Variants in CDCA7 observed in about 807,000 individuals in gnomAD.
The protein encoded by CDCA7 is cell division cycle-associated protein 7.
In CDCA7, 28 loss-of-function variants were observed where a neutral mutation model predicts 54.0. The observed-to-expected ratio is 0.52, with a 90% CI of 0.38 to 0.71. CDCA7 has a LOEUF of 0.71. CDCA7 is among the 30% of genes least tolerant of loss of function. The probability of loss-of-function intolerance (pLI) is 0.00; values close to 1 mark genes in which losing one functional copy is unlikely to be tolerated. For synonymous variants in CDCA7, 180 were observed against 208.2 expected, an observed-to-expected ratio of 0.86 and a Z score of 1.16; for missense variants, 484 against 586.0, an observed-to-expected ratio of 0.83 and a Z score of 1.80.
At chr2:173,360,658 A>C (rs560057737) in intron 3 of CDCA7, among the ~76,000 whole-genome samples, 1 of 152,042 alleles carries the variant, frequency 6.6e-6, no homozygotes, top group Non-Finnish European at 1.5e-5. Flanking sequence ...AAAATTTTTT[A>C]TAGAGATGTG....
In CDCA7 at chr2:173,366,305, G is replaced by A. The variant is rs370384522; in HGVS notation, c.1058G>A (p.Arg353His). The A allele has an allele frequency of 3.1e-6, 5 of 1,612,828 alleles. No homozygotes were observed. Among genetic ancestry groups the A allele is most frequent in the South Asian group, 1.1e-5 (1 of 91,002 alleles). The change falls in exon 8 of 10, where the codon CGT becomes CAT. Residue 353 changes from arginine to histidine, a missense_variant. By Grantham distance (29) the Arg-to-His change is conservative. This residue lies in a region of CDCA7 where 3 missense variants were observed against 16.4 expected (regional missense o/e 0.18). Coordinates refer to ENST00000306721, the MANE Select transcript of CDCA7 (RefSeq NM_031942.5). This position sits in a 1 kb window ranked among gnomAD's most constrained non-coding sequence, Gnocchi z 4.5. ...RSLGSTCHQC[R>H]QKTIDTKTNC... ...TAGGGCTCTACTTGTCATCAATGCC[G>A]TCAGAAGACTATTGATACCAAAACA...
chr2:173,364,745 C>T, intron 5 of CDCA7, 50 bp from the exon 6 acceptor site: 3 of 1,545,578 alleles, frequency 1.9e-6, no homozygotes, highest in Non-Finnish European at 2.6e-6. Context: ...CAAAGTACTA[C>T]TTCTCTTTAT....
At position 173,367,163 on chromosome 2, in the gene CDCA7, C is replaced by T; in HGVS notation, c.1199C>T (p.Pro400Leu). 3.1e-6 allele frequency: 5 copies of T among 1,593,566 alleles called. No individual in the cohort carries two copies. Among genetic ancestry groups the T allele is most frequent in the South Asian group, 2.3e-5 (2 of 86,686 alleles). ...DALLDPNWHC[P>L]PCRGICNCSF... ...ATCCTCCTTCAGAACTGGCATTGCC[C>T]GCCTTGTCGAGGAATCTGCAACTGC... Residue 400 changes from proline (P) to leucine (L), a missense_variant, in exon 9 of 10, where the codon CCG (proline) becomes CTG (leucine). Pro to Leu is a moderately conservative substitution (Grantham distance 98). Coordinates refer to ENST00000306721, the MANE Select transcript of CDCA7 (RefSeq NM_031942.5).
In CDCA7 at chr2:173,364,975, G is replaced by T. The variant is rs774465144; in HGVS notation, c.880G>T (p.Asp294Tyr). 1.3e-6 allele frequency: 2 copies of T among 1,579,218 alleles called. No homozygotes were observed. Among genetic ancestry groups the T allele is most frequent in the Admixed American group, 4.0e-5 (2 of 50,562 alleles). ...YMLVRKRKTV[D>Y]GYMNEDDLPR... The stretch of plus-strand genomic sequence containing the variant: ...GTTGGTGAGAAAGAGGAAGACCGTG[G>T]ATGGCTACATGAATGTGAGTTCTCC... Residue 294 changes from aspartate (D) to tyrosine (Y), a missense_variant, in exon 6 of 10, where the codon GAT becomes TAT. By Grantham distance (160) the Asp-to-Tyr change is radical. This residue lies in a region of CDCA7 where 398 missense variants were observed against 447.4 expected (regional missense o/e 0.89). Coordinates refer to ENST00000306721, the MANE Select transcript of CDCA7 (RefSeq NM_031942.5).
Position 173,367,657 on chromosome 2 carries a change from A to G in CDCA7, c.1346A>G (p.Gln449Arg). The G allele has an allele frequency of 6.2e-7, 1 of 1,614,194 alleles. No homozygotes were observed. The highest frequency in any genetic ancestry group is 2.2e-5 in the East Asian group (1 of 44,876). The part of the protein sequence containing the change: ...LKSLKQEFEM[Q>R]A ...AGCCTGAAACAGGAATTTGAAATGC[A>G]AGCATAATATCTGGAAAATTTGCTG... The change falls in exon 10 of 10, where the codon CAA becomes CGA. Residue 449 changes from glutamine to arginine, a missense_variant. By Grantham distance (43) the Gln-to-Arg change is conservative (BLOSUM62 1). Coordinates refer to ENST00000306721, the MANE Select transcript of CDCA7 (RefSeq NM_031942.5).
chr2:173,359,086 TAAC>T (rs1686569238), intron 2 of CDCA7, among the ~76,000 whole-genome samples, 166 bp from the exon 3 acceptor site: 1 of 152,230 alleles, frequency 6.6e-6, no homozygotes, highest in Non-Finnish European at 1.5e-5. Context: ...TGATTTGCCA[TAAC>T]AACTCAGAAA....
rs147411652 is a variant in CDCA7 at position 173,364,899 on chromosome 2, G to A, written c.804G>A (p.Gly268=). 1.4e-4 allele frequency: 222 copies of A among 1,609,926 alleles called. 1 individual carries two copies. In the African/African-American group the frequency reaches 2.7e-3, roughly 20 times the overall value. The change falls in exon 6 of 10, where the codon GGG becomes GGA. Residue 268 remains glycine, a synonymous_variant. Transcript: ENST00000306721. The part of the protein sequence containing the change: ...PLTRSRSRIL[G]SLDALPMEEE... ...CCAGGTCAAGGTCCCGGATCCTCGGGTCCCTTGACGCTCTACCCATGGAGG... is the reference window on the plus strand; with the variant it reads ...CCAGGTCAAGGTCCCGGATCCTCGGATCCCTTGACGCTCTACCCATGGAGG...
chr2:173,365,809 A>G (rs1686709583), intron 7 of CDCA7, among the ~76,000 whole-genome samples: 1 of 152,200 alleles, frequency 6.6e-6, no homozygotes, highest in African/African-American at 2.4e-5. Flanking sequence ...GTCATGGTAA[A>G]TCTTTTCTCC....
At position 173,356,351 on chromosome 2, in the gene CDCA7, G is replaced by A. The variant is rs146092732; in HGVS notation, c.21+1367G>A. Reference sequence around the variant, plus strand: ...TTGAGGCTGTCTGGGGCCTCTGACTGCTTGCAGGTAGATTGATGAGTAAAG... The same window carrying A: ...TTGAGGCTGTCTGGGGCCTCTGACTACTTGCAGGTAGATTGATGAGTAAAG... On this transcript the variant is annotated intron_variant, in intron 1 of 9. Coordinates refer to ENST00000306721, the MANE Select transcript of CDCA7 (RefSeq NM_031942.5). The A allele has an allele frequency of 6.8e-4, 102 of 150,032 alleles. 2 individuals carry two copies. The highest frequency in any genetic ancestry group is 2.2e-3 in the African/African-American group (91 of 40,574). The allele number at this position is 150,032 out of a possible 1,614,324, so 9.3% of individuals were successfully genotyped here.
rs890930525 is a variant in CDCA7, at chr2:173,359,846, G to C, written c.384+355G>C. 2.0e-5 allele frequency among the ~76,000 whole-genome samples: 3 copies of C among 152,280 alleles called. No individual in the cohort carries two copies. The South Asian group carries it at 6.2e-4, about 32-fold the overall frequency. ...AGTGCCCAGCCTAGTGCCTGTCATA[G>C]AGCAGACCTTTGATAAATGTTGGTC... On this transcript the variant is annotated intron_variant, in intron 3 of 9. Coordinates refer to ENST00000306721, the MANE Select transcript of CDCA7 (RefSeq NM_031942.5).
At position 173,363,386 on chromosome 2, in the gene CDCA7, A is replaced by T. The variant is rs1370383253; in HGVS notation, c.545A>T (p.Asn182Ile). 21 of 1,614,024 alleles carry T rather than the reference A, an allele frequency of 1.3e-5. No homozygotes were observed. The highest frequency in any genetic ancestry group is 1.8e-5 in the Non-Finnish European group (21 of 1,180,036). Reference protein sequence around the residue: ...QPSENSVTDSNSDSEDESGMN... With the variant: ...QPSENSVTDSISDSEDESGMN... ...TCAGAGAATTCTGTGACTGATTCCA[A>T]CTCCGATTCAGAAGATGAAAGTGGA... Residue 182 changes from asparagine (N) to isoleucine (I), a missense_variant, in exon 4 of 10, where the codon AAC (asparagine) becomes ATC (isoleucine). Physicochemically the swap from Asn to Ile is moderately radical, Grantham distance 149. Transcript: ENST00000306721.
Position 173,359,257 on chromosome 2 carries a change from AC to A in CDCA7, c.152del (p.Pro51LeufsTer36). 3 of 1,605,084 alleles carry A rather than the reference AC, an allele frequency of 1.9e-6. No homozygotes were observed. The highest frequency in any genetic ancestry group is 2.6e-6 in the Non-Finnish European group (3 of 1,175,528). Reference sequence around the variant, plus strand: ...GCATTTATTTATTTATTTTACAGAAACCTAAATTCAGGTCAGATATCAGTGA... The same window carrying A: ...GCATTTATTTATTTATTTTACAGAAACTAAATTCAGGTCAGATATCAGTGA... The part of the protein sequence containing the change: ...FASDNFANTK[P>X]KFRSDISEEL... On this transcript the variant is annotated frameshift_variant, in exon 3 of 10. Coordinates refer to ENST00000306721, the MANE Select transcript of CDCA7 (RefSeq NM_031942.5). LOFTEE classifies it high-confidence loss of function.
At chr2:173,355,022 G>C (rs1686467642) in intron 1 of CDCA7, 38 bp downstream of exon 1, 2 of 1,361,370 alleles carry the variant, frequency 1.5e-6, no homozygotes, top group Non-Finnish European at 1.9e-6. Context: ...GGCGGGCGCG[G>C]TGGGTGCTGG....
rs970574658 is a variant in CDCA7 at position 173,366,955 on chromosome 2, C to T, written c.1186-195C>T. Among the ~76,000 whole-genome samples the T allele has an allele frequency of 6.6e-6, 1 of 152,168 alleles. No homozygotes were observed. The highest frequency in any genetic ancestry group is 2.4e-5 in the African/African-American group (1 of 41,436). On this transcript the variant is annotated intron_variant, in intron 8 of 9. Transcript: ENST00000306721. The surrounding 1 kb of genome is among the most constrained non-coding windows in gnomAD (Gnocchi z 4.5). Reference sequence around the variant, plus strand: ...GAACTGTCCCTGGGAAGTTGCTGCTCCATTTATCCCTGGTAGCTGCTTGTA... The same window carrying T: ...GAACTGTCCCTGGGAAGTTGCTGCTTCATTTATCCCTGGTAGCTGCTTGTA...
In CDCA7 at chr2:173,358,843, T is replaced by A; in HGVS notation, c.147+6T>A. On this transcript the variant is annotated splice_donor_region_variant and intron_variant, in intron 2 of 9. Transcript: ENST00000306721. Reference sequence around the variant, plus strand: ...CTGATAATTTTGCAAACACGGTAAGTGCTGCCTGAGAATAAACAGAATTGA... The same window carrying A: ...CTGATAATTTTGCAAACACGGTAAGAGCTGCCTGAGAATAAACAGAATTGA... 6.2e-7 allele frequency: 1 copy of A among 1,610,756 alleles called. No homozygotes were observed. Among genetic ancestry groups the A allele is most frequent in the Non-Finnish European group, 8.5e-7 (1 of 1,177,972 alleles).
chr2:173,367,507 A>T (rs1230732186), intron 9 of CDCA7, 127 bp from the exon 10 acceptor site: 1 of 1,309,590 alleles, frequency 7.6e-7, no homozygotes, highest in Non-Finnish European at 1.1e-6. Context: ...ATACTTGAAG[A>T]TGCGCACACT....
At chr2:173,357,527 G>C (rs998504025) in intron 1 of CDCA7, among the ~76,000 whole-genome samples, 3 of 152,190 alleles carry the variant, frequency 2.0e-5, no homozygotes, top group African/African-American at 7.2e-5. Context: ...CTCTTGATTG[G>C]AAAGGGGCCT....
chr2:173,364,750 C>CTT (rs756436135), intron 5 of CDCA7, 45 bp from the exon 6 acceptor site: 4 of 1,550,530 alleles, frequency 2.6e-6, no homozygotes, highest in Non-Finnish European at 3.4e-6. Context: ...TACTACTTCT[C>CTT]TTTATTATGG....
Position 173,364,822 on chromosome 2 carries a change from T to C in CDCA7, c.727T>C (p.Phe243Leu), listed in dbSNP as rs1686688323. Reference protein sequence around the residue: ...SQSRRPRRRTFPGVASRRNPE... With the variant: ...SQSRRPRRRTLPGVASRRNPE... ...ATCAAGGAGACCGCGAAGGCGTACA[T>C]TCCCGGGTGTTGCTTCCAGGAGAAA... The change falls in exon 6 of 10, where the codon TTC becomes CTC. Residue 243 changes from phenylalanine to leucine, a missense_variant. Around this residue, in one of 3 missense-constraint regions of CDCA7, gnomAD observed 398 missense variants for 447.4 expected, o/e 0.89. Coordinates refer to ENST00000306721, the MANE Select transcript of CDCA7 (RefSeq NM_031942.5). 6.2e-7 allele frequency: 1 copy of C among 1,610,860 alleles called. No individual in the cohort carries two copies.
Sources: gnomAD v4.1 joint callset for allele counts (sites outside exome capture counted in the v4.1 genomes callset) on GRCh38, gnomAD v4.1.1 for gene constraint, gnomAD v4.1.1 regional missense constraint, Gnocchi (gnomAD v3.1) non-coding constraint, MANE v1.5 for transcripts, NCBI Gene and HGNC (gene_info 2026-07-23, HGNC 2026-07-21) for gene names.